Variants in OR6K6 observed in about 807,000 individuals in gnomAD.
OR6K6 encodes olfactory receptor family 6 subfamily K member 6.
Under a neutral mutation model 8.1 loss-of-function variants are expected in OR6K6, and 9 were observed. That is an observed-to-expected ratio of 1.11 (90% CI 0.67 to 1.94). The LOEUF (loss-of-function observed/expected upper bound fraction) is 1.94. Ranked by LOEUF, OR6K6 falls within the 30% of genes most tolerant of loss-of-function variation. The probability of loss-of-function intolerance (pLI) is 0.00; values close to 1 mark genes in which losing one functional copy is unlikely to be tolerated. For synonymous variants in OR6K6, 156 were observed against 140.3 expected (o/e 1.11, Z -0.79); for missense variants, 400 against 383.1 (o/e 1.04, Z -0.37).
exon 1 of OR6K6, chr1:158,755,262 C>T (rs1656960933): frequency 6.2e-7 from 1 of 1,613,890 alleles, no homozygotes. Flanking sequence ...TGGCCATTGA[C>T]AGGTACATAG....
At chr1:158,755,644 C>A in exon 1 of OR6K6, 1 of 1,614,162 alleles carries the variant, frequency 6.2e-7, no homozygotes, top group Non-Finnish European at 8.5e-7. Context: ...TGTGTTCTTG[C>A]TATTTTTTGG....
At chr1:158,755,169 G>A in exon 1 of OR6K6, 1 of 1,614,030 alleles carries the variant, frequency 6.2e-7, no homozygotes, top group Non-Finnish European at 8.5e-7. Flanking sequence ...GTGAGCAGAA[G>A]AGCATTTCCG....
In OR6K6 at chr1:158,754,744, A is replaced by T; in HGVS notation, c.-144A>T. The T allele has an allele frequency of 8.5e-7, 1 of 1,175,392 alleles. No individual in the cohort carries two copies. Among genetic ancestry groups the T allele is most frequent in the Non-Finnish European group, 1.2e-6 (1 of 823,572 alleles). The allele number at this position is 1,175,392 out of a possible 1,614,324, so 72.8% of individuals were successfully genotyped here. A position where few individuals can be genotyped will look rare whatever the true frequency, so the allele number is the denominator to read the frequency against. On this transcript the variant is annotated 5_prime_UTR_variant, in exon 1 of 1. The change creates a new upstream start codon in the 5' untranslated region. Coordinates refer to ENST00000641861, the Ensembl canonical transcript of OR6K6. ...TCAGATGATTTTGGCATGGAGGTAA[A>T]GCTTAAGAGATATTTCTAACTGGTT...
At chr1:158,755,508 A>C (rs1656969479) in exon 1 of OR6K6, 4 of 1,614,088 alleles carry the variant, frequency 2.5e-6, no homozygotes, top group Non-Finnish European at 3.4e-6. Flanking sequence ...CCATCCATGC[A>C]GCGGAAATTG....
At chr1:158,755,392 A>G in exon 1 of OR6K6, 1 of 1,613,888 alleles carries the variant, frequency 6.2e-7, no homozygotes, top group South Asian at 1.1e-5. Context: ...ATGGATTTCC[A>G]CCTTGCCTTT....
chr1:158,755,053 G>T (rs1265998303), exon 1 of OR6K6: 1 of 1,613,950 alleles, frequency 6.2e-7, no homozygotes, highest in East Asian at 2.2e-5. Flanking sequence ...CATCCAGGTG[G>T]GCATGGCCCT....
exon 1 of OR6K6, chr1:158,755,606 C>T (rs1010023801): frequency 1.2e-6 from 2 of 1,614,178 alleles, no homozygotes; most frequent in Non-Finnish European, 1.7e-6. Context: ...CATCACAAGG[C>T]CTTTTCCACC....
At chr1:158,754,796 GT>G in exon 1 of OR6K6, 1 of 1,555,334 alleles carries the variant, frequency 6.4e-7, no homozygotes, top group African/African-American at 1.4e-5. Flanking sequence ...ATCAGCTTGA[GT>G]AACTCATTAC....
chr1:158,755,855 T>A (rs1442604667), exon 1 of OR6K6: 2 of 1,563,282 alleles, frequency 1.3e-6, no homozygotes, highest in African/African-American at 1.4e-5. Context: ...TAGATACAGA[T>A]CCTGGAGACT....
exon 1 of OR6K6, chr1:158,755,745 C>T (rs755659887): frequency 4.3e-5 from 70 of 1,613,936 alleles, no homozygotes; most frequent in Non-Finnish European, 5.3e-5. Flanking sequence ...TCCTTGCTCC[C>T]TTTTTCAACC....
rs776782015 is a variant in OR6K6 at position 158,755,789 on chromosome 1, AAGAGG to A, written c.903_907del (p.Lys301AsnfsTer?). On this transcript the variant is annotated frameshift_variant, in exon 1 of 1. Transcript: ENST00000641861. LOFTEE classifies it low-confidence loss of function (END_TRUNC). ...TATAGCCTGAAAAACAAGGACATGA[AAGAGG>A]CTATTGGAAGGCTTTTCCACTATCA... is the stretch of plus-strand genomic sequence containing the variant. 8.1e-6 allele frequency: 13 copies of A among 1,613,790 alleles called. No individual in the cohort carries two copies. In the South Asian group the frequency reaches 1.4e-4, roughly 18 times the overall value.
exon 1 of OR6K6, chr1:158,755,273 C>A: frequency 6.2e-7 from 1 of 1,614,106 alleles, no homozygotes; most frequent in Non-Finnish European, 8.5e-7. Flanking sequence ...AGGTACATAG[C>A]TATCTGCAAT....
exon 1 of OR6K6, chr1:158,755,244 G>C (rs780109156): frequency 6.2e-7 from 1 of 1,613,912 alleles, no homozygotes. Flanking sequence ...GCTGTGTCCT[G>C]ACAGCAATGG....
At position 158,755,424 on chromosome 1, in the gene OR6K6, C is replaced by A. The variant is rs776420581; in HGVS notation, c.537C>A (p.His179Gln). ...CTTTCTGTGGCTCCAACCAGATCCACCAGATATTCTGTGATTTCACACCTG... is the reference window on the plus strand; with the variant it reads ...CTTTCTGTGGCTCCAACCAGATCCAACAGATATTCTGTGATTTCACACCTG... Residue 179 changes from histidine to glutamine, a missense_variant, in exon 1 of 1, where the codon CAC becomes CAA. Coordinates refer to ENST00000641861, the Ensembl canonical transcript of OR6K6. 7 of 1,614,206 alleles carry A rather than the reference C, an allele frequency of 4.3e-6. No homozygotes were observed. The Admixed American group carries it at 5.0e-5, about 12-fold the overall frequency.
exon 1 of OR6K6, chr1:158,755,544 A>G (rs148940067): frequency 1.0e-4 from 163 of 1,614,006 alleles, no homozygotes; most frequent in Non-Finnish European, 1.4e-4. Context: ...TCATTGCTCT[A>G]TCCTACATCC....
exon 1 of OR6K6, chr1:158,755,094 C>T: frequency 8.1e-6 from 13 of 1,614,170 alleles, no homozygotes; most frequent in Non-Finnish European, 1.0e-5. Context: ...TTATCAGTGT[C>T]CTCTCCTTCC....
At chr1:158,755,417 A>G in exon 1 of OR6K6, 6 of 1,614,172 alleles carry the variant, frequency 3.7e-6, no homozygotes, top group Non-Finnish European at 4.2e-6. Flanking sequence ...GGCTCCAACC[A>G]GATCCACCAG....
rs16840991 is a variant in OR6K6 at position 158,755,216 on chromosome 1, C to T, written c.329C>T (p.Ser110Leu). The T allele has an allele frequency of 0.014, 21,823 of 1,613,870 alleles. 2,434 individuals are homozygous for T. The African/African-American group carries it at 0.25, about 18-fold the overall frequency. Residue 110 changes from serine to leucine, a missense_variant, in exon 1 of 1, where the codon TCA becomes TTA. Physicochemically the swap from Ser to Leu is moderately radical, Grantham distance 145. Transcript: ENST00000641861. The stretch of plus-strand genomic sequence containing the variant: ...CTCCTGCAGATGTACTTTTTCCACT[C>T]ACTTGGTATCACAGAAAGCTGTGTC...
chr1:158,755,488 A>G, exon 1 of OR6K6: 2 of 1,614,148 alleles, frequency 1.2e-6, no homozygotes, highest in African/African-American at 1.3e-5. Context: ...CCTAGTGGTC[A>G]TTGTGGATGC....
Sources: gnomAD v4.1 joint callset for allele counts on GRCh38, gnomAD v4.1.1 for gene constraint, MANE v1.5 for transcripts, NCBI Gene and HGNC (gene_info 2026-07-23, HGNC 2026-07-21) for gene names.